The following PIK3R3 variants were observed in gnomAD, a reference collection of about 807,000 sequenced individuals.
The protein encoded by PIK3R3 is phosphatidylinositol 3-kinase regulatory subunit gamma.
In PIK3R3, 64 loss-of-function variants were observed where a neutral mutation model predicts 62.9. The observed-to-expected ratio is 1.02, with a 90% confidence interval of 0.83 to 1.25. The LOEUF (loss-of-function observed/expected upper bound fraction) is 1.25, where lower values mean the gene tolerates loss of function less well. PIK3R3 is among the 50% of genes most tolerant of loss of function. The pLI, the probability that PIK3R3 is intolerant of heterozygous loss-of-function variation, is 0.00. For synonymous variants in PIK3R3, 165 were observed against 189.0 expected (o/e 0.87, Z 1.04); for missense variants, 614 against 561.6 (o/e 1.09, Z -0.94).
At chr1:46,057,784 T>G (rs1041583979) in intron 6 of PIK3R3, among the ~76,000 whole-genome samples, 3 of 152,186 alleles carry the variant, frequency 2.0e-5, no homozygotes, top group Non-Finnish European at 4.4e-5. Flanking sequence ...TTAAAAGCAT[T>G]CAGTTTTAAA....
chr1:46,123,830 A>G lies in PIK3R3; in HGVS notation c.106+8017T>C, dbSNP rs555710183. Among the ~76,000 whole-genome samples, 4 of 152,376 alleles carry G rather than the reference A, an allele frequency of 2.6e-5. No individual in the cohort carries two copies. In the East Asian group the frequency reaches 5.8e-4, roughly 22 times the overall value. On this transcript the variant is annotated intron_variant, in intron 1 of 9. Transcript: ENST00000262741. Reference sequence around the variant, plus strand: ...CATTTAACATAGTGCTTGGACTATAATAATTTCTTCAACAAATGTTAGCAA... The same window carrying G: ...CATTTAACATAGTGCTTGGACTATAGTAATTTCTTCAACAAATGTTAGCAA...
chr1:46,122,769 T>C (rs149340124), intron 1 of PIK3R3, among the ~76,000 whole-genome samples: 118 of 152,306 alleles, frequency 7.7e-4, no homozygotes, highest in African/African-American at 2.8e-3. Flanking sequence ...ATTATTCCCT[T>C]TGTTACAATA....
rs1649070132 is a variant in PIK3R3, at chr1:46,067,096, GAACAACAAGAC to G, written c.315-16_315-6del. The G allele has an allele frequency of 3.2e-6, 5 of 1,541,098 alleles. No homozygotes were observed. Among genetic ancestry groups the G allele is most frequent in the Non-Finnish European group, 4.4e-6 (5 of 1,146,294 alleles). On this transcript the variant is annotated splice_region_variant and splice_polypyrimidine_tract_variant and intron_variant, in intron 3 of 9. Transcript: ENST00000262741. ...AACTTATTATTGCCTCCCTTCCTGT[GAACAACAAGAC>G]AACAACTGTGGATTTTTTTCCCCCA... is the stretch of plus-strand genomic sequence containing the variant.
the PIK3R3 span, among the ~76,000 whole-genome samples, chr1:46,138,165 C>G: frequency 1.3e-5 from 2 of 152,160 alleles, no homozygotes; most frequent in African/African-American, 4.8e-5. Flanking sequence ...AAATATAACA[C>G]CATATAGGGC....
the PIK3R3 span, among the ~76,000 whole-genome samples, chr1:46,152,523 C>T: frequency 2.0e-4 from 31 of 151,928 alleles, no homozygotes; most frequent in Non-Finnish European, 4.1e-4. Flanking sequence ...CAACTCCATT[C>T]CCTGGTATCT....
Position 46,077,540 on chromosome 1 carries a change from G to A in PIK3R3, c.289C>T (p.Gln97Ter), listed in dbSNP as rs1400171360. ...CGCAAAGTCAAAGTATAATCTCCCT[G>A]CATTTTTGTTGAGGCATCTCGGACC... ...FLVRDASTKM[Q>*]GDYTLTLRKG... is the part of the protein sequence containing the mutation. The change falls in exon 3 of 10, where the codon CAG becomes TAG. Residue 97 changes from glutamine to a stop codon, truncating the protein, a stop_gained. Transcript: ENST00000262741. LOFTEE classifies it high-confidence loss of function. 1 of 1,609,936 alleles carries A rather than the reference G, an allele frequency of 6.2e-7. No individual in the cohort carries two copies. The highest frequency in any genetic ancestry group is 8.5e-7 in the Non-Finnish European group (1 of 1,176,316).
chr1:46,061,825 G>A lies in PIK3R3; in HGVS notation c.764+104C>T, dbSNP rs561182707. On this transcript the variant is annotated intron_variant, in intron 6 of 9. Transcript: ENST00000262741. ...GAAACAGCAAGTGGTTCCAATAGTAGGGCTGTGCAGTTTGAGGGGGTAAAA... is the reference window on the plus strand; with the variant it reads ...GAAACAGCAAGTGGTTCCAATAGTAAGGCTGTGCAGTTTGAGGGGGTAAAA... The A allele has an allele frequency of 1.1e-4, 114 of 1,023,006 alleles. 1 individual carries two copies. The South Asian group carries it at 1.4e-3, about 13-fold the overall frequency. The allele number at this position is 1,023,006 out of a possible 1,614,324, so 63.4% of individuals were successfully genotyped here.
intron 1 of PIK3R3, chr1:46,131,575 G>T: frequency 2.1e-6 from 1 of 482,632 alleles, no homozygotes. Context: ...CAAAGGCAAA[G>T]TAAAAAATAA....
the PIK3R3 span, among the ~76,000 whole-genome samples, chr1:46,151,049 G>A: frequency 6.6e-6 from 1 of 152,070 alleles, no homozygotes; most frequent in Admixed American, 6.6e-5. Flanking sequence ...GACCTCAGGT[G>A]ATCCACCCTC....
At position 46,040,222 on chromosome 1, in the gene PIK3R3, G is replaced by A. The variant is rs553974282; in HGVS notation, c.*3451C>T. On this transcript the variant is annotated 3_prime_UTR_variant, in exon 10 of 10. Transcript: ENST00000262741. ...TCTTGGGGAAGGTATTAAACAAAAA[G>A]ACCAATAAGTATCTCCTCTCGCCTT... 2 of 228,608 alleles carry A rather than the reference G, an allele frequency of 8.7e-6. No individual in the cohort carries two copies. 14.2% of individuals were successfully genotyped at this position (228,608 alleles called of 1,614,324 possible). A position where few individuals can be genotyped will look rare whatever the true frequency, so the allele number is the denominator to read the frequency against.
chr1:46,105,239 C>T (rs568640043), intron 1 of PIK3R3: 2 of 377,762 alleles, frequency 5.3e-6, no homozygotes, highest in East Asian at 4.5e-5. Flanking sequence ...CACGGTGGCT[C>T]ACACCTGTAA....
the PIK3R3 span, among the ~76,000 whole-genome samples, chr1:46,142,574 T>C: frequency 6.6e-6 from 1 of 151,988 alleles, no homozygotes; most frequent in Non-Finnish European, 1.5e-5. Context: ...GGCGGGCGCC[T>C]GTAGTCCCAG....
intron 1 of PIK3R3, among the ~76,000 whole-genome samples, chr1:46,127,720 A>G (rs1655220774): frequency 6.6e-6 from 1 of 152,200 alleles, no homozygotes; most frequent in African/African-American, 2.4e-5. Context: ...TTTCTACAAT[A>G]AAAGTTTTGT....
rs186558126 is a variant in PIK3R3, at chr1:46,126,892, C to T, written c.106+4955G>A. Among the ~76,000 whole-genome samples, 160 of 152,072 alleles carry T rather than the reference C, an allele frequency of 1.1e-3. 4 individuals are homozygous for T. In the East Asian group the frequency reaches 0.024, roughly 23 times the overall value. ...GATATAATCCACTTAAAGAGAAGCC[C>T]TTTGAGGTCTTCTAATTTTTTAAGT... On this transcript the variant is annotated intron_variant, in intron 1 of 9. Transcript: ENST00000262741.
At chr1:46,081,030 C>G (rs539584900) in intron 1 of PIK3R3, among the ~76,000 whole-genome samples, 46 of 152,072 alleles carry the variant, frequency 3.0e-4, no homozygotes, top group South Asian at 6.2e-4. Context: ...AACCCCTTTT[C>G]CAAACAACTC....
chr1:46,087,001 C>A (rs548842730), intron 1 of PIK3R3, among the ~76,000 whole-genome samples: 1 of 152,050 alleles, frequency 6.6e-6, no homozygotes, highest in Admixed American at 6.5e-5. Flanking sequence ...TCATTCTGAG[C>A]GAACTATCGC....
intron 5 of PIK3R3, 39 bp downstream of exon 5, chr1:46,066,015 T>C (rs376141739): frequency 1.0e-4 from 164 of 1,579,108 alleles, no homozygotes; most frequent in South Asian, 2.7e-4. Flanking sequence ...AACTAAAACA[T>C]TGCACACATA....
intron 1 of PIK3R3, among the ~76,000 whole-genome samples, chr1:46,122,516 C>T (rs1056514468): frequency 3.3e-5 from 5 of 152,030 alleles, no homozygotes; most frequent in Non-Finnish European, 5.9e-5. Context: ...ACTACAGGCG[C>T]GCCACCACGC....
At chr1:46,089,548 T>C (rs1413122681) in intron 1 of PIK3R3, among the ~76,000 whole-genome samples, 2 of 152,030 alleles carry the variant, frequency 1.3e-5, no homozygotes, top group African/African-American at 4.8e-5. Flanking sequence ...ACCCCATCTC[T>C]ACTAAAAATG....
Sources: gnomAD v4.1 joint callset for allele counts (sites outside exome capture counted in the v4.1 genomes callset) on GRCh38, gnomAD v4.1.1 for gene constraint, MANE v1.5 for transcripts, NCBI Gene and HGNC (gene_info 2026-07-23, HGNC 2026-07-21) for gene names.